The following NAV2 variants were observed in gnomAD, a reference collection of about 807,000 sequenced individuals.
NAV2 encodes the protein helicase, APC down-regulated 1.
Under a neutral mutation model 223.2 loss-of-function variants are expected in NAV2, and 54 were observed. The ratio of observed to expected loss-of-function variants is 0.24; its 90% CI spans 0.19 to 0.30. NAV2 has a LOEUF of 0.30. Among genes scored for constraint, NAV2 ranks in the 10% least tolerant of loss-of-function variants. NAV2 has a pLI of 1.00. For missense variants in NAV2, 2,806 were observed against 3,147.5 expected (o/e 0.89, Z 2.60); for synonymous variants, 1,279 against 1,239.3 (o/e 1.03, Z -0.67).
chr11:20,082,218 T>C (rs1352746485), intron 25 of NAV2, among the ~76,000 whole-genome samples: 1 of 152,116 alleles, frequency 6.6e-6, no homozygotes, highest in Non-Finnish European at 1.5e-5. Flanking sequence ...CTAGAATTGC[T>C]CAAAAAGAAG....
chr11:19,571,229 T>A (rs948587075), intron 1 of NAV2, among the ~76,000 whole-genome samples: 1 of 152,168 alleles, frequency 6.6e-6, no homozygotes, highest in African/African-American at 2.4e-5. Flanking sequence ...CTATCCAGAA[T>A]AGGCAAATCC....
intron 1 of NAV2, among the ~76,000 whole-genome samples, chr11:19,629,474 C>T (rs1374889873): frequency 6.6e-6 from 1 of 151,928 alleles, no homozygotes; most frequent in African/African-American, 2.4e-5. Context: ...TTCTTACGCA[C>T]TTGCGCACAC....
At chr11:19,719,185 C>G (rs10500859) in intron 1 of NAV2, among the ~76,000 whole-genome samples, 11,441 of 152,230 alleles carry the variant, frequency 0.075, 598 homozygotes, top group Non-Finnish European at 0.097. Flanking sequence ...TCTTAGTTCT[C>G]AGAATCCGCC....
chr11:19,386,542 G>C lies in NAV2; in HGVS notation c.75+35515G>C, dbSNP rs985608497. ...TCCAACAGATTCTCAGAGACAGCGG[G>C]AGACAGTGGGGAGCCTATATTATCA... is the stretch of plus-strand genomic sequence containing the variant. On this transcript the variant is annotated intron_variant, in intron 1 of 37. Coordinates refer to the NAV2 transcript ENST00000360655. Among the ~76,000 whole-genome samples, 3 of 152,294 alleles carry C rather than the reference G, an allele frequency of 2.0e-5. No individual in the cohort carries two copies. In the South Asian group the frequency reaches 6.2e-4, roughly 32 times the overall value.
intron 1 of NAV2, among the ~76,000 whole-genome samples, chr11:19,393,895 G>GTTTTTTTTT (rs5790072): frequency 6.6e-5 from 9 of 136,228 alleles, no homozygotes; most frequent in Non-Finnish European, 1.1e-4. Flanking sequence ...TAACTTAAGG[G>GTTTTTTTTT]TTTTTTTTTT....
chr11:19,624,453 G>T (rs747563926), intron 1 of NAV2, among the ~76,000 whole-genome samples: 19 of 152,336 alleles, frequency 1.2e-4, no homozygotes, highest in Non-Finnish European at 1.8e-4. Flanking sequence ...CCTCAGCAAT[G>T]GCGGGTGCCC....
intron 6 of NAV2, among the ~76,000 whole-genome samples, chr11:19,925,052 G>T (rs1271047125): frequency 6.6e-6 from 1 of 152,128 alleles, no homozygotes; most frequent in East Asian, 1.9e-4. Context: ...GATGTTTAAT[G>T]TCTTTCCATA....
At chr11:19,608,462 C>T (rs1054528902) in intron 1 of NAV2, among the ~76,000 whole-genome samples, 11 of 152,278 alleles carry the variant, frequency 7.2e-5, no homozygotes, top group Non-Finnish European at 1.0e-4. Context: ...GAGGAAGGGG[C>T]TTGCAGCCCA....
intron 36 of NAV2, among the ~76,000 whole-genome samples, chr11:20,112,278 A>G (rs998483972): frequency 3.3e-5 from 5 of 152,162 alleles, no homozygotes; most frequent in African/African-American, 4.8e-5. Flanking sequence ...TTGCTTTTCA[A>G]ATGCCAGACT....
upstream of NAV2, among the ~76,000 whole-genome samples, chr11:19,346,087 T>G (rs1018406296): frequency 6.6e-6 from 1 of 152,214 alleles, no homozygotes. Context: ...GTGTGTTTTC[T>G]GTCTGCGCCT....
chr11:20,087,138 G>C (rs2060497567), intron 26 of NAV2, among the ~76,000 whole-genome samples: 1 of 152,218 alleles, frequency 6.6e-6, no homozygotes, highest in Non-Finnish European at 1.5e-5. Flanking sequence ...CCTGGGAGCA[G>C]AGAGGAGAAA....
At chr11:19,923,741 G>C (rs2044481058) in intron 6 of NAV2, among the ~76,000 whole-genome samples, 1 of 152,206 alleles carries the variant, frequency 6.6e-6, no homozygotes, top group African/African-American at 2.4e-5. Flanking sequence ...TGTATAATCT[G>C]TCTGTGAAAT....
chr11:19,895,108 T>C (rs1009098615), intron 6 of NAV2, among the ~76,000 whole-genome samples: 410 of 62,670 alleles, frequency 6.5e-3, no homozygotes, highest in African/African-American at 0.02. Flanking sequence ...TTCTTTCTTT[T>C]TTTTTTTTTT....
At chr11:19,822,357 GGTA>G (rs1419914508) in intron 1 of NAV2, among the ~76,000 whole-genome samples, 2 of 152,190 alleles carry the variant, frequency 1.3e-5, no homozygotes, top group Admixed American at 1.3e-4. Flanking sequence ...TTTGGCAGAT[GGTA>G]GTTACTATCC....
chr11:19,838,581 A>G (rs1485905072), intron 2 of NAV2, among the ~76,000 whole-genome samples: 2 of 152,198 alleles, frequency 1.3e-5, no homozygotes, highest in Non-Finnish European at 2.9e-5. Flanking sequence ...CAGGCTGAGA[A>G]GTAACATCTG....
intron 1 of NAV2, among the ~76,000 whole-genome samples, chr11:19,819,379 A>T (rs2059262494): frequency 6.6e-6 from 1 of 152,178 alleles, no homozygotes; most frequent in Non-Finnish European, 1.5e-5. Flanking sequence ...AGGGCACCCT[A>T]GGCAGAGAGG....
At chr11:19,703,833 C>T (rs932038610) in intron 1 of NAV2, among the ~76,000 whole-genome samples, 5 of 152,160 alleles carry the variant, frequency 3.3e-5, no homozygotes, top group Non-Finnish European at 2.9e-5. Flanking sequence ...CTGCCTGTGC[C>T]CACTCCCAGA....
intron 17 of NAV2, among the ~76,000 whole-genome samples, chr11:20,053,212 C>T (rs552304458): frequency 4.5e-5 from 4 of 88,086 alleles, no homozygotes; most frequent in East Asian, 7.6e-4. Context: ...AGCAAGACTA[C>T]GTCTCGAAAA....
chr11:19,680,503 A>G (rs1590080175), intron 1 of NAV2, among the ~76,000 whole-genome samples: 1 of 152,150 alleles, frequency 6.6e-6, no homozygotes, highest in African/African-American at 2.4e-5. Context: ...GAACTGTAGG[A>G]CACACCCCTC....
Sources: gnomAD v4.1 joint callset for allele counts (sites outside exome capture counted in the v4.1 genomes callset) on GRCh38, gnomAD v4.1.1 for gene constraint, MANE v1.5 for transcripts, NCBI Gene and HGNC (gene_info 2026-07-23, HGNC 2026-07-21) for gene names.